Variants in ADAMTS13 observed in about 807,000 individuals in gnomAD.
ADAMTS13 encodes the protein ADAM metallopeptidase with thrombospondin type 1 motif 13.
Under a neutral mutation model 155.1 loss-of-function variants are expected in ADAMTS13, and 110 were observed. The observed-to-expected ratio is 0.71, with a 90% CI of 0.61 to 0.83. ADAMTS13 has a LOEUF of 0.83. Among genes scored for constraint, ADAMTS13 ranks in the 40% least tolerant of loss-of-function variants. The pLI is 0.00. For synonymous variants in ADAMTS13, 758 were observed against 756.4 expected, an observed-to-expected ratio of 1.00 and a Z score of -0.03; for missense variants, 1,707 against 1,891.7, an observed-to-expected ratio of 0.90 and a Z score of 1.81.
chr9:133,455,209 C>T, intron 24 of ADAMTS13, 76 bp from the exon 25 acceptor site: 1 of 1,487,714 alleles, frequency 6.7e-7, no homozygotes, highest in Non-Finnish European at 9.3e-7. Flanking sequence ...TTGGATCACT[C>T]CTGGCCTGTG....
intron 11 of ADAMTS13, among the ~76,000 whole-genome samples, chr9:133,436,151 G>A (rs1209804087): frequency 6.6e-6 from 1 of 151,568 alleles, no homozygotes; most frequent in Non-Finnish European, 1.5e-5. Context: ...CATCTCGGTG[G>A]TATGAAATGG....
intron 9 of ADAMTS13, among the ~76,000 whole-genome samples, chr9:133,432,988 GA>G (rs1246271273): frequency 6.7e-6 from 1 of 148,882 alleles, no homozygotes; most frequent in Non-Finnish European, 1.5e-5. Flanking sequence ...TCTCGGGGGG[GA>G]TCCCTGTGTA....
chr9:133,437,728 T>C (rs781918621), intron 12 of ADAMTS13, 21 bp from the exon 13 acceptor site: 9 of 1,612,540 alleles, frequency 5.6e-6, no homozygotes, highest in Non-Finnish European at 7.6e-6. Context: ...CAGGACACCC[T>C]TTTTCACTCT....
At position 133,448,574 on chromosome 9, in the gene ADAMTS13, C is replaced by A. The variant is rs375368687; in HGVS notation, c.2732-25C>A. 104 of 1,607,416 alleles carry A rather than the reference C, an allele frequency of 6.5e-5. 1 individual carries two copies. Among genetic ancestry groups the A allele is most frequent in the Non-Finnish European group, 8.3e-5 (98 of 1,179,680 alleles). On this transcript the variant is annotated intron_variant, in intron 21 of 28. Transcript: ENST00000355699. Reference sequence around the variant, plus strand: ...CTTGCTGAGCCTGTCCCTTGGGGCTCTGGGTCTCTGCTTTGTCCACGCAGG... The same window carrying A: ...CTTGCTGAGCCTGTCCCTTGGGGCTATGGGTCTCTGCTTTGTCCACGCAGG...
Position 133,429,953 on chromosome 9 carries a change from G to T in ADAMTS13, c.839G>T (p.Arg280Leu). 1 of 1,536,584 alleles carries T rather than the reference G, an allele frequency of 6.5e-7. No homozygotes were observed. The highest frequency in any genetic ancestry group is 2.4e-5 in the East Asian group (1 of 40,924). ...CCTTGTCGCAGCGCAGGACGGGCGCGCTGCGTGTGGGACCCGCCGCGGCCT... is the reference window on the plus strand; with the variant it reads ...CCTTGTCGCAGCGCAGGACGGGCGCTCTGCGTGTGGGACCCGCCGCGGCCT... The part of the protein sequence containing the change: ...LLSLLSAGRA[R>L]CVWDPPRPQP... Residue 280 changes from arginine (R) to leucine (L), a missense_variant, in exon 8 of 29, where the codon CGC (arginine) becomes CTC (leucine). By Grantham distance (102) the Arg-to-Leu change is moderately radical (BLOSUM62 -2). Around this residue, in one of 3 missense-constraint regions of ADAMTS13, gnomAD observed 733 missense variants for 749.6 expected, o/e 0.98. Coordinates refer to ENST00000355699, the MANE Select transcript of ADAMTS13 (RefSeq NM_139027.6).
At chr9:133,433,584 A>G in intron 10 of ADAMTS13, 55 bp downstream of exon 10, 1 of 1,613,742 alleles carries the variant, frequency 6.2e-7, no homozygotes, top group Non-Finnish European at 8.5e-7. Flanking sequence ...CATAGTCCCT[A>G]GTTGAAGGCA....
chr9:133,434,599 C>T (rs1159861215), intron 11 of ADAMTS13, among the ~76,000 whole-genome samples: 4 of 152,186 alleles, frequency 2.6e-5, no homozygotes, highest in African/African-American at 9.7e-5. Context: ...CTGCGCCTGG[C>T]CGAAGGAGTC....
chr9:133,448,658 G>A lies in ADAMTS13; in HGVS notation c.2791G>A (p.Glu931Lys). The A allele has an allele frequency of 1.9e-6, 3 of 1,608,716 alleles. No individual in the cohort carries two copies. The highest frequency in any genetic ancestry group is 2.5e-6 in the Non-Finnish European group (3 of 1,179,964). ...DSALRVPVQE[E>K]LCGLASKPGS... ...TGCCCTCAGGGTGCCTGTCCAGGAA[G>A]AGCTGTGTGGCCTGGCAAGCAAGCC... is the stretch of plus-strand genomic sequence containing the variant. The change falls in exon 22 of 29, where the codon GAG becomes AAG. Residue 931 changes from glutamate to lysine, a missense_variant. Coordinates refer to ENST00000355699, the MANE Select transcript of ADAMTS13 (RefSeq NM_139027.6).
chr9:133,450,023 C>T (rs999659900), intron 23 of ADAMTS13, 58 bp downstream of exon 23: 26 of 1,533,064 alleles, frequency 1.7e-5, no homozygotes, highest in Middle Eastern at 2.3e-4. Context: ...CCAGGCCAGG[C>T]GCTGTGGTGT....
intron 19 of ADAMTS13, among the ~76,000 whole-genome samples, chr9:133,444,434 C>T (rs1201049526): frequency 6.6e-6 from 1 of 152,098 alleles, no homozygotes; most frequent in Admixed American, 6.5e-5. Flanking sequence ...CTCACTGCAA[C>T]CTCCTGCCTC....
At chr9:133,438,942 G>A (rs1554789922) in intron 14 of ADAMTS13, among the ~76,000 whole-genome samples, 1 of 150,846 alleles carries the variant, frequency 6.6e-6, no homozygotes, top group Non-Finnish European at 1.5e-5. Context: ...TGGACGTTGT[G>A]CATTCTGTGG....
In ADAMTS13 at chr9:133,440,489, C is replaced by T; in HGVS notation, c.1932C>T (p.Arg644=). ...EDRLPRLEEI[R]IWGPLQEDAD... is the part of the protein sequence containing the mutation. The stretch of plus-strand genomic sequence containing the variant: ...GGCTGCCCCGCCTGGAGGAGATCCG[C>T]ATCTGGGGACCCCTCCAGGAAGATG... Residue 644 remains arginine, a synonymous_variant, in exon 16 of 29, where the codon CGC becomes CGT. Coordinates refer to ENST00000355699, the MANE Select transcript of ADAMTS13 (RefSeq NM_139027.6). The surrounding 1 kb of genome is among the most constrained non-coding windows in gnomAD (Gnocchi z 4.3). 6.2e-7 allele frequency: 1 copy of T among 1,612,118 alleles called. No individual in the cohort carries two copies.
chr9:133,419,477 A>G (rs1176964634), upstream of ADAMTS13, among the ~76,000 whole-genome samples: 1 of 152,190 alleles, frequency 6.6e-6, no homozygotes, highest in Non-Finnish European at 1.5e-5. Context: ...AGTTCATCCA[A>G]AGAGAGAGTA....
At chr9:133,458,735 A>G (rs1443337788) in intron 28 of ADAMTS13, among the ~76,000 whole-genome samples, 2 of 152,212 alleles carry the variant, frequency 1.3e-5, no homozygotes, top group East Asian at 1.9e-4. Flanking sequence ...TCTGCAGGGT[A>G]TCAGCTTCCC....
At chr9:133,454,198 A>G (rs1268285641) in intron 23 of ADAMTS13, among the ~76,000 whole-genome samples, 3 of 152,098 alleles carry the variant, frequency 2.0e-5, no homozygotes, top group African/African-American at 7.2e-5. Flanking sequence ...TTAGGGAAAC[A>G]GGGGCCTCTT....
chr9:133,450,247 A>G (rs1472006510), intron 23 of ADAMTS13, among the ~76,000 whole-genome samples: 1 of 152,138 alleles, frequency 6.6e-6, no homozygotes, highest in Non-Finnish European at 1.5e-5. Flanking sequence ...AGCCTGGCCA[A>G]CATGGTGAAA....
chr9:133,449,724 C>A lies in ADAMTS13; in HGVS notation c.2862-59C>A. On this transcript the variant is annotated intron_variant, in intron 22 of 28. Coordinates refer to ENST00000355699, the MANE Select transcript of ADAMTS13 (RefSeq NM_139027.6). ...CTGGGGAAATGAAGGGGAGACCTGG[C>A]TCCCCTGGGTTCCCAGGCCCTGGGG... 3 of 1,591,906 alleles carry A rather than the reference C, an allele frequency of 1.9e-6. No individual in the cohort carries two copies. The South Asian group carries it at 3.3e-5, about 18-fold the overall frequency.
At position 133,445,813 on chromosome 9, in the gene ADAMTS13, G is replaced by A. The variant is rs138742754; in HGVS notation, c.2725G>A (p.Gly909Arg). 11 of 1,580,338 alleles carry A rather than the reference G, an allele frequency of 7.0e-6. No individual in the cohort carries two copies. Among genetic ancestry groups the A allele is most frequent in the African/African-American group, 2.7e-5 (2 of 74,340 alleles). The change falls in exon 21 of 29, where the codon GGG becomes AGG. Residue 909 changes from glycine to arginine, a missense_variant. Around this residue, in one of 3 missense-constraint regions of ADAMTS13, gnomAD observed 961 missense variants for 1,107.9 expected, o/e 0.87. Coordinates refer to ENST00000355699, the MANE Select transcript of ADAMTS13 (RefSeq NM_139027.6). This position sits in a 1 kb window ranked among gnomAD's most constrained non-coding sequence, Gnocchi z 5.0. ...GGCAGGGTCGTGCTCCGTCTCCTGC[G>A]GGCGAGGTGAGGGCCCCCGGGATGC... is the stretch of plus-strand genomic sequence containing the variant. ...PAAGSCSVSC[G>R]RGLMELRFLC... is the part of the protein sequence containing the mutation.
At position 133,448,718 on chromosome 9, in the gene ADAMTS13, T is replaced by G. The variant is rs121908468; in HGVS notation, c.2851T>G (p.Cys951Gly). The G allele has an allele frequency of 3.1e-6, 5 of 1,601,482 alleles. No individual in the cohort carries two copies. Among genetic ancestry groups the G allele is most frequent in the African/African-American group, 1.3e-5 (1 of 74,872 alleles). The change falls in exon 22 of 29, where the codon TGC (cysteine) becomes GGC (glycine). Residue 951 changes from cysteine to glycine, a missense_variant. By Grantham distance (159) the Cys-to-Gly change is radical. Coordinates refer to ENST00000355699, the MANE Select transcript of ADAMTS13 (RefSeq NM_139027.6). ...GCGGGAGGTCTGCCAGGCTGTCCCG[T>G]GCCCTGCTCGGTGAGTGAGGGGAGC... ...SRREVCQAVP[C>G]PARWQYKLAA...
Sources: allele counts gnomAD v4.1 joint callset (sites outside exome capture counted in the v4.1 genomes callset), GRCh38; gene constraint gnomAD v4.1.1; regional missense constraint gnomAD v4.1.1; non-coding constraint Gnocchi (gnomAD v3.1); transcripts MANE v1.5; gene names NCBI Gene and HGNC (gene_info 2026-07-23, HGNC 2026-07-21).